The following KLF17 variants were observed in gnomAD, a reference collection of about 807,000 sequenced individuals.
KLF17 encodes the protein KLF transcription factor 17.
A neutral mutation model predicts 34.2 loss-of-function variants in KLF17; 31 were observed. That is an observed-to-expected ratio of 0.91 (90% confidence interval 0.68 to 1.22). The LOEUF (loss-of-function observed/expected upper bound fraction) is 1.22. Among genes scored for constraint, KLF17 ranks in the 50% most tolerant of loss-of-function variants. The probability of loss-of-function intolerance (pLI) is 0.00; values close to 1 mark genes in which losing one functional copy is unlikely to be tolerated. For missense variants in KLF17, 478 were observed against 505.2 expected, an observed-to-expected ratio of 0.95 and a Z score of 0.52; for synonymous variants, 179 against 186.7, an observed-to-expected ratio of 0.96 and a Z score of 0.34.
chr1:44,100,011 T>C, the KLF17 span, among the ~76,000 whole-genome samples: 2 of 149,294 alleles, frequency 1.3e-5, no homozygotes, highest in Admixed American at 1.3e-4. Context: ...CCAAGGTGGG[T>C]GGATCACTTG....
upstream of KLF17, chr1:44,117,465 A>ATTTAT (rs972939323): frequency 4.4e-4 from 28 of 63,456 alleles, no homozygotes; most frequent in Non-Finnish European, 5.9e-4. Flanking sequence ...ATTTTATTTT[A>ATTTAT]TTTATTTTAT....
At chr1:44,047,704 C>T in the KLF17 span, among the ~76,000 whole-genome samples, 2 of 152,152 alleles carry the variant, frequency 1.3e-5, no homozygotes, top group African/African-American at 4.8e-5. Flanking sequence ...GGTGCTACTT[C>T]CTTCCTTGTT....
At chr1:44,129,109 G>C (rs1442654624) in intron 1 of KLF17, among the ~76,000 whole-genome samples, 2 of 151,976 alleles carry the variant, frequency 1.3e-5, no homozygotes, top group African/African-American at 4.8e-5. Flanking sequence ...TTGTTGCTTT[G>C]TGTGAAATAA....
chr1:44,123,086 C>T (rs187918663), intron 1 of KLF17, among the ~76,000 whole-genome samples: 1 of 152,210 alleles, frequency 6.6e-6, no homozygotes, highest in East Asian at 1.9e-4. Context: ...AAGAGCTGAG[C>T]TTTTGTCACG....
At chr1:44,131,627 G>A (rs1571995031) in intron 3 of KLF17, among the ~76,000 whole-genome samples, 1 of 152,176 alleles carries the variant, frequency 6.6e-6, no homozygotes, top group Admixed American at 6.5e-5. Flanking sequence ...TACAGACTTG[G>A]ATGGAATGCC....
intron 3 of KLF17, among the ~76,000 whole-genome samples, chr1:44,131,371 A>G (rs1335597102): frequency 6.6e-6 from 1 of 151,500 alleles, no homozygotes; most frequent in African/African-American, 2.4e-5. Context: ...CCAGCTTAAA[A>G]CCCTTTAGTG....
chr1:44,099,867 AAG>A, the KLF17 span, among the ~76,000 whole-genome samples: 1 of 64,826 alleles, frequency 1.5e-5, no homozygotes, highest in Non-Finnish European at 3.6e-5. Flanking sequence ...GAAAGAAAGA[AAG>A]AAAGAAAGAA....
the KLF17 span, among the ~76,000 whole-genome samples, chr1:44,099,833 G>C: frequency 8.4e-5 from 1 of 11,860 alleles, no homozygotes; most frequent in African/African-American, 6.8e-4. Context: ...AAAGAAGAAA[G>C]AAAGAAAGAA....
chr1:44,099,704 C>T, the KLF17 span, among the ~76,000 whole-genome samples: 1 of 151,264 alleles, frequency 6.6e-6, no homozygotes, highest in East Asian at 2.0e-4. Context: ...GTCCCAGCTA[C>T]CTGGGAGGCT....
At chr1:44,074,898 T>C in the KLF17 span, 1 of 152,252 alleles carries the variant, frequency 6.6e-6, no homozygotes, top group Non-Finnish European at 1.5e-5. Context: ...GGAATCTCAC[T>C]TGGGACCCCA....
At chr1:44,048,565 A>G in the KLF17 span, 1 of 152,086 alleles carries the variant, frequency 6.6e-6, no homozygotes, top group South Asian at 2.1e-4. Flanking sequence ...TGAGCTGGAG[A>G]CTTTCTTTGA....
the KLF17 span, among the ~76,000 whole-genome samples, chr1:44,079,320 T>G: frequency 6.6e-6 from 1 of 151,662 alleles, no homozygotes; most frequent in East Asian, 1.9e-4. Flanking sequence ...TTTTTTTTTT[T>G]GAGACAGTCT....
chr1:44,087,590 C>T, the KLF17 span, among the ~76,000 whole-genome samples: 2 of 150,980 alleles, frequency 1.3e-5, no homozygotes, highest in African/African-American at 4.9e-5. Flanking sequence ...AGAAGCTGGA[C>T]TTCCAGGATG....
At chr1:44,116,193 G>A (rs567412377), upstream of KLF17, among the ~76,000 whole-genome samples, 448 of 152,266 alleles carry the variant, frequency 2.9e-3, 1 homozygote, top group African/African-American at 0.01. Context: ...GGTGATCCTG[G>A]AGTTGAGAGC....
At chr1:44,070,759 C>A in the KLF17 span, among the ~76,000 whole-genome samples, 120 of 151,942 alleles carry the variant, frequency 7.9e-4, 1 homozygote, top group South Asian at 0.025. Flanking sequence ...AGTAGACAAA[C>A]AAAGCACATG....
the KLF17 span, among the ~76,000 whole-genome samples, chr1:44,046,513 G>A: frequency 7.6e-3 from 1,116 of 146,354 alleles, 15 homozygotes; most frequent in South Asian, 0.033. Context: ...GGTCTGCCAC[G>A]CCCAACCTAA....
upstream of KLF17, chr1:44,114,718 C>A (rs1433253837): frequency 6.6e-6 from 1 of 152,104 alleles, no homozygotes; most frequent in Non-Finnish European, 1.5e-5. Flanking sequence ...ATAATAGATC[C>A]AACTAAAAGT....
chr1:44,117,994 C>T (rs1337726791), upstream of KLF17, among the ~76,000 whole-genome samples: 2 of 152,210 alleles, frequency 1.3e-5, no homozygotes, highest in African/African-American at 4.8e-5. Context: ...CCTCTGTCCT[C>T]GTGTCACTGT....
At chr1:44,111,356 A>G in the KLF17 span, among the ~76,000 whole-genome samples, 1 of 150,532 alleles carries the variant, frequency 6.6e-6, no homozygotes, top group African/African-American at 2.4e-5. Context: ...GGATGTTTTT[A>G]TGTCTTTATT....
Sources: allele counts gnomAD v4.1 joint callset (sites outside exome capture counted in the v4.1 genomes callset), GRCh38; gene constraint gnomAD v4.1.1; transcripts MANE v1.5; gene names NCBI Gene and HGNC (gene_info 2026-07-23, HGNC 2026-07-21).